Variants in PDZRN4 observed in about 807,000 individuals in gnomAD.
The protein encoded by PDZRN4 is PDZ domain containing ring finger 4, also known as PDZ domain-containing RING finger protein 4.
Under a neutral mutation model 99.0 loss-of-function variants are expected in PDZRN4, and 70 were observed. The observed-to-expected ratio is 0.71, with a 90% CI of 0.58 to 0.86. The LOEUF (loss-of-function observed/expected upper bound fraction) is 0.86. Among genes scored for constraint, PDZRN4 ranks in the 40% least tolerant of loss-of-function variants. The probability of loss-of-function intolerance (pLI) is 0.00; values close to 1 mark genes in which losing one functional copy is unlikely to be tolerated. For missense variants in PDZRN4, 1,474 were observed against 1,331.2 expected (o/e 1.11, Z -1.67); for synonymous variants, 551 against 501.6 (o/e 1.10, Z -1.32).
At chr12:41,503,078 A>G (rs756263403) in intron 3 of PDZRN4, among the ~76,000 whole-genome samples, 29 of 152,054 alleles carry the variant, frequency 1.9e-4, no homozygotes, top group Non-Finnish European at 3.8e-4. Flanking sequence ...TAAAATGGTG[A>G]CCTTTTGATG....
At chr12:41,561,388 G>A (rs1939266513) in intron 7 of PDZRN4, among the ~76,000 whole-genome samples, 1 of 151,522 alleles carries the variant, frequency 6.6e-6, no homozygotes, top group Admixed American at 6.6e-5. Flanking sequence ...TATGTACCAG[G>A]CACTATTTAA....
chr12:41,498,754 A>G (rs561054459), intron 3 of PDZRN4, among the ~76,000 whole-genome samples: 76 of 152,216 alleles, frequency 5.0e-4, no homozygotes, highest in Non-Finnish European at 1.0e-3. Context: ...CAACTATATA[A>G]ATACTTTAAA....
intron 3 of PDZRN4, among the ~76,000 whole-genome samples, chr12:41,439,559 G>T (rs1245578955): frequency 6.6e-6 from 1 of 152,102 alleles, no homozygotes. Context: ...AATCCAGCAG[G>T]ATTACTGCAG....
rs111981996 is a variant in PDZRN4 at position 41,414,210 on chromosome 12, G to T, written c.844-92246G>T. On this transcript the variant is annotated intron_variant, in intron 3 of 9. Coordinates refer to ENST00000402685, the MANE Select transcript of PDZRN4 (RefSeq NM_001164595.2). ...GCCTGACAGGGCTCCCTTTGCACAT[G>T]ACCTGACCTTTTTCTCTAGCTGCCT... Among the ~76,000 whole-genome samples, 855 of 152,184 alleles carry T rather than the reference G, an allele frequency of 5.6e-3. 10 individuals carry two copies. The highest frequency in any genetic ancestry group is 0.018 in the African/African-American group (763 of 41,522).
intron 3 of PDZRN4, among the ~76,000 whole-genome samples, chr12:41,322,093 A>G (rs1472122654): frequency 2.0e-5 from 3 of 152,068 alleles, no homozygotes; most frequent in Non-Finnish European, 4.4e-5. Flanking sequence ...GTGCAATGGC[A>G]TGATTTTGGC....
intron 3 of PDZRN4, among the ~76,000 whole-genome samples, chr12:41,474,577 G>A (rs1953022748): frequency 6.6e-6 from 1 of 152,176 alleles, no homozygotes; most frequent in Non-Finnish European, 1.5e-5. Flanking sequence ...GTGTTCTTAT[G>A]CACTCTTCTA....
chr12:41,272,704 G>A (rs770477790), intron 3 of PDZRN4, among the ~76,000 whole-genome samples: 12 of 152,026 alleles, frequency 7.9e-5, no homozygotes, highest in South Asian at 2.1e-4. Context: ...AAACTTTATC[G>A]GCAGTTCAAA....
At chr12:41,229,000 T>C (rs1688123340) in intron 3 of PDZRN4, among the ~76,000 whole-genome samples, 1 of 151,906 alleles carries the variant, frequency 6.6e-6, no homozygotes, top group South Asian at 2.1e-4. Context: ...GACATCCTTT[T>C]TTCCAAAAAT....
chr12:41,206,136 G>A (rs1950848926), intron 3 of PDZRN4, among the ~76,000 whole-genome samples: 1 of 151,936 alleles, frequency 6.6e-6, no homozygotes, highest in South Asian at 2.1e-4. Flanking sequence ...CAACAGCAGT[G>A]CTCTGAACAT....
intron 3 of PDZRN4, among the ~76,000 whole-genome samples, chr12:41,318,473 C>T (rs1198294427): frequency 6.6e-6 from 1 of 152,132 alleles, no homozygotes; most frequent in African/African-American, 2.4e-5. Context: ...CACCCAGAGA[C>T]AAATAACAAG....
At chr12:41,545,883 C>T (rs560104975) in intron 5 of PDZRN4, among the ~76,000 whole-genome samples, 1 of 151,822 alleles carries the variant, frequency 6.6e-6, no homozygotes, top group African/African-American at 2.4e-5. Flanking sequence ...GAACTGCAGA[C>T]AGAAGAGGTA....
chr12:41,229,164 A>G (rs1951013786), intron 3 of PDZRN4, among the ~76,000 whole-genome samples: 1 of 151,200 alleles, frequency 6.6e-6, no homozygotes, highest in African/African-American at 2.4e-5. Flanking sequence ...GATCTGTCTC[A>G]GGTGATCTGT....
Position 41,525,950 on chromosome 12 carries a change from T to TA in PDZRN4, c.1203+16043dup, listed in dbSNP as rs563650488. The stretch of plus-strand genomic sequence containing the variant: ...TAGTACTTTGATTCTCTGCCATTTT[T>TA]AAAAAATCTCATTTATTTCTCAACC... On this transcript the variant is annotated intron_variant, in intron 5 of 9. Transcript: ENST00000402685. Among the ~76,000 whole-genome samples the TA allele has an allele frequency of 1.6e-4, 24 of 152,290 alleles. No homozygotes were observed. In the East Asian group the frequency reaches 4.3e-3, roughly 27 times the overall value.
intron 3 of PDZRN4, among the ~76,000 whole-genome samples, chr12:41,428,799 A>G (rs1952561732): frequency 6.6e-6 from 1 of 152,184 alleles, no homozygotes; most frequent in Admixed American, 6.5e-5. Context: ...TCATGAGCGA[A>G]TGCAAGACCT....
chr12:41,293,010 G>C (rs560074913), intron 3 of PDZRN4, among the ~76,000 whole-genome samples: 1 of 151,622 alleles, frequency 6.6e-6, no homozygotes, highest in East Asian at 2.0e-4. Flanking sequence ...TAACATCTTG[G>C]AGGCACGCGC....
chr12:41,323,615 A>G (rs1473797070), intron 3 of PDZRN4, among the ~76,000 whole-genome samples: 4 of 152,006 alleles, frequency 2.6e-5, no homozygotes, highest in Non-Finnish European at 5.9e-5. Flanking sequence ...TAAATTTTAT[A>G]TAATTTGAAA....
At chr12:41,462,865 G>A (rs1195264295) in intron 3 of PDZRN4, among the ~76,000 whole-genome samples, 1 of 152,026 alleles carries the variant, frequency 6.6e-6, no homozygotes, top group African/African-American at 2.4e-5. Context: ...CAATTGGCCA[G>A]ATGTAAAAGG....
intron 8 of PDZRN4, among the ~76,000 whole-genome samples, chr12:41,566,533 TGAG>T (rs1395213915): frequency 6.6e-6 from 1 of 152,170 alleles, no homozygotes; most frequent in African/African-American, 2.4e-5. Flanking sequence ...TTAAGATAAA[TGAG>T]GATGAACAAA....
chr12:41,268,012 CTGA>C (rs1235040866), intron 3 of PDZRN4, among the ~76,000 whole-genome samples: 1 of 152,198 alleles, frequency 6.6e-6, no homozygotes, highest in Admixed American at 6.5e-5. Context: ...CTGAACTACT[CTGA>C]TATCATTAAA....
Sources: allele counts gnomAD v4.1 joint callset (sites outside exome capture counted in the v4.1 genomes callset), GRCh38; gene constraint gnomAD v4.1.1; transcripts MANE v1.5; gene names NCBI Gene and HGNC (gene_info 2026-07-23, HGNC 2026-07-21).